ARHGAP15: variants seen among roughly 807,000 people sequenced by gnomAD.
ARHGAP15 encodes the protein rho GTPase-activating protein 15.
ARHGAP15 carries 51 observed loss-of-function variants against 63.7 expected under a neutral mutation model. That is an observed-to-expected ratio of 0.80 (90% confidence interval 0.64 to 1.01). The LOEUF (loss-of-function observed/expected upper bound fraction) is 1.01. ARHGAP15 is among the 50% of genes least tolerant of loss of function. The probability of loss-of-function intolerance (pLI) is 0.00; values close to 1 mark genes in which losing one functional copy is unlikely to be tolerated. For missense variants in ARHGAP15, 560 were observed against 564.6 expected (o/e 0.99, Z 0.08); for synonymous variants, 191 against 193.8 (o/e 0.99, Z 0.12).
chr2:143,505,183 C>T (rs1398535757), intron 9 of ARHGAP15, among the ~76,000 whole-genome samples: 1 of 152,304 alleles, frequency 6.6e-6, no homozygotes, highest in South Asian at 2.1e-4. Context: ...TCAGCTCTTG[C>T]AAGTAAGCAT....
intron 11 of ARHGAP15, among the ~76,000 whole-genome samples, chr2:143,615,064 T>A (rs1258695909): frequency 6.6e-6 from 1 of 152,220 alleles, no homozygotes; most frequent in African/African-American, 2.4e-5. Context: ...TTTGTAGAGC[T>A]TTAGTGGTGA....
chr2:143,628,364 A>G (rs1012631401), intron 12 of ARHGAP15, among the ~76,000 whole-genome samples: 9 of 152,150 alleles, frequency 5.9e-5, no homozygotes, highest in Non-Finnish European at 4.4e-5. Context: ...GCTGGGCCCA[A>G]TGGTAGCTCA....
At chr2:143,149,117 A>T (rs1031072058) in intron 1 of ARHGAP15, among the ~76,000 whole-genome samples, 7 of 151,992 alleles carry the variant, frequency 4.6e-5, no homozygotes, top group Admixed American at 2.6e-4. Context: ...GAGAAATACT[A>T]TTTATCTGTG....
intron 13 of ARHGAP15, among the ~76,000 whole-genome samples, chr2:143,741,493 G>A (rs1685962644): frequency 6.6e-6 from 1 of 152,164 alleles, no homozygotes; most frequent in South Asian, 2.1e-4. Flanking sequence ...GGAAGCATAT[G>A]TTTTAACCCT....
At chr2:143,242,501 A>G (rs1299838643) in intron 5 of ARHGAP15, among the ~76,000 whole-genome samples, 1 of 152,252 alleles carries the variant, frequency 6.6e-6, no homozygotes, top group Non-Finnish European at 1.5e-5. Flanking sequence ...AGAAACAAAT[A>G]CAATAGGTGC....
At chr2:143,589,428 A>G (rs1697238777) in intron 11 of ARHGAP15, among the ~76,000 whole-genome samples, 1 of 152,216 alleles carries the variant, frequency 6.6e-6, no homozygotes, top group Admixed American at 6.5e-5. Flanking sequence ...TATTTATGTT[A>G]TCTCATTTAG....
intron 1 of ARHGAP15, 51 bp downstream of exon 1, chr2:143,129,517 G>C (rs1688840136): frequency 6.6e-6 from 1 of 152,154 alleles, no homozygotes; most frequent in African/African-American, 2.4e-5. Flanking sequence ...AACATGTTCG[G>C]CAGAGTTTCC....
At chr2:143,760,472 A>C (rs538731315) in intron 13 of ARHGAP15, among the ~76,000 whole-genome samples, 31 of 152,286 alleles carry the variant, frequency 2.0e-4, no homozygotes, top group Admixed American at 4.6e-4. Flanking sequence ...ATAAATTATA[A>C]ATTGAAGCCT....
At chr2:143,308,045 A>G (rs1683258521) in intron 6 of ARHGAP15, among the ~76,000 whole-genome samples, 1 of 152,162 alleles carries the variant, frequency 6.6e-6, no homozygotes, top group South Asian at 2.1e-4. Context: ...AAGAAGAGAT[A>G]ATATGCAAAC....
intron 13 of ARHGAP15, 154 bp downstream of exon 13, chr2:143,703,678 T>C (rs753146773): frequency 1.5e-5 from 9 of 588,714 alleles, no homozygotes; most frequent in Non-Finnish European, 2.6e-5. Flanking sequence ...AGCTGGAGAA[T>C]GTGTTAGGGA....
intron 12 of ARHGAP15, among the ~76,000 whole-genome samples, chr2:143,695,233 T>G (rs1051150487): frequency 2.0e-5 from 3 of 152,148 alleles, no homozygotes; most frequent in Non-Finnish European, 4.4e-5. Context: ...TTAGAGAAAT[T>G]CAGAGAAATA....
chr2:143,245,002 G>A (rs913413380), intron 5 of ARHGAP15, among the ~76,000 whole-genome samples: 10 of 152,202 alleles, frequency 6.6e-5, no homozygotes, highest in African/African-American at 2.4e-4. Flanking sequence ...TAGAGAAAAG[G>A]AGGCAGGTAG....
At chr2:143,362,302 A>T (rs1383728926) in intron 6 of ARHGAP15, among the ~76,000 whole-genome samples, 1 of 152,172 alleles carries the variant, frequency 6.6e-6, no homozygotes, top group East Asian at 1.9e-4. Flanking sequence ...CATATTTCCA[A>T]GGCCTAGGCT....
At chr2:143,493,786 C>T (rs1320555145) in intron 9 of ARHGAP15, among the ~76,000 whole-genome samples, 1 of 152,172 alleles carries the variant, frequency 6.6e-6, no homozygotes, top group Non-Finnish European at 1.5e-5. Context: ...CCCATGCCTT[C>T]CCTTCTATTA....
At chr2:143,309,872 G>A (rs916669479) in intron 6 of ARHGAP15, among the ~76,000 whole-genome samples, 13 of 149,924 alleles carry the variant, frequency 8.7e-5, no homozygotes, top group Non-Finnish European at 1.8e-4. Context: ...GAACTTGTGT[G>A]TGTGTGTGTG....
At chr2:143,216,975 C>T (rs549459823) in intron 4 of ARHGAP15, among the ~76,000 whole-genome samples, 2 of 152,024 alleles carry the variant, frequency 1.3e-5, no homozygotes, top group East Asian at 1.9e-4. Context: ...GTTGATAGGA[C>T]GGTAAAGAAA....
chr2:143,712,416 T>C (rs1684622217), intron 13 of ARHGAP15, among the ~76,000 whole-genome samples: 1 of 152,188 alleles, frequency 6.6e-6, no homozygotes, highest in Non-Finnish European at 1.5e-5. Flanking sequence ...AAGATATATA[T>C]GTTTGGAATG....
At chr2:143,764,072 A>G (rs1686868384) in intron 13 of ARHGAP15, among the ~76,000 whole-genome samples, 1 of 152,142 alleles carries the variant, frequency 6.6e-6, no homozygotes, top group South Asian at 2.1e-4. Context: ...TTTAAATGAG[A>G]TTATTTAAAA....
intron 6 of ARHGAP15, among the ~76,000 whole-genome samples, chr2:143,388,130 C>T (rs574039216): frequency 1.3e-5 from 2 of 152,096 alleles, no homozygotes; most frequent in Non-Finnish European, 2.9e-5. Context: ...AAGTGAGGTA[C>T]TTAAAAAGAA....
Sources: allele counts gnomAD v4.1 joint callset (sites outside exome capture counted in the v4.1 genomes callset), GRCh38; gene constraint gnomAD v4.1.1; transcripts MANE v1.5; gene names NCBI Gene and HGNC (gene_info 2026-07-23, HGNC 2026-07-21).